The following PEX10 variants were observed in gnomAD, a reference collection of about 807,000 sequenced individuals.
PEX10 encodes peroxisomal biogenesis factor 10, also known as peroxisome biogenesis factor 10.
In PEX10, 32 loss-of-function variants were observed where a neutral mutation model predicts 38.0. That is an observed-to-expected ratio of 0.84 (90% CI 0.63 to 1.13). PEX10 has a LOEUF of 1.13. Ranked by LOEUF, PEX10 falls within the 50% of genes most tolerant of loss-of-function variation. The probability of loss-of-function intolerance (pLI) is 0.00; values close to 1 mark genes in which losing one functional copy is unlikely to be tolerated. For missense variants in PEX10, 483 were observed against 457.7 expected, an observed-to-expected ratio of 1.06 and a Z score of -0.51; for synonymous variants, 206 against 207.3, an observed-to-expected ratio of 0.99 and a Z score of 0.05.
rs1239089179 is a variant in PEX10, at chr1:2,405,523, G to A, written c.*243C>T. On this transcript the variant is annotated 3_prime_UTR_variant, in exon 6 of 6. Coordinates refer to ENST00000447513, the MANE Select transcript of PEX10 (RefSeq NM_002617.4). ...AAATAAGTGAAATTCCTGAAGAAGTGGCTGAGTCCTACCAGGTTGGGGTTA... is the reference window on the plus strand; with the variant it reads ...AAATAAGTGAAATTCCTGAAGAAGTAGCTGAGTCCTACCAGGTTGGGGTTA... The A allele has an allele frequency of 1.6e-6, 1 of 620,810 alleles. No individual in the cohort carries two copies. The highest frequency in any genetic ancestry group is 2.9e-6 in the Non-Finnish European group (1 of 343,054). The allele number at this position is 620,810 out of a possible 1,614,324, so 38.5% of individuals were successfully genotyped here.
chr1:2,406,784 CG>C lies in PEX10; in HGVS notation c.711del (p.Tyr237Ter). The C allele has an allele frequency of 6.2e-7, 1 of 1,610,650 alleles. No homozygotes were observed. Among genetic ancestry groups the C allele is most frequent in the South Asian group, 1.1e-5 (1 of 90,610 alleles). ...HLVLSMGLQLYGFRQRQRARK... is the reference protein window; with the variant it reads ...HLVLSMGLQLXGFRQRQRARK... ...CTGGCTCGCTGCCGCTGCCTGAAAC[CG>C]TACAGCTGCAGCCCCATGGACAGCA... On this transcript the variant is annotated frameshift_variant, in exon 4 of 6. Transcript: ENST00000447513. LOFTEE classifies it high-confidence loss of function.
At position 2,408,769 on chromosome 1, in the gene PEX10, G is replaced by A; in HGVS notation, c.283C>T (p.Leu95=). 1.2e-6 allele frequency: 2 copies of A among 1,613,958 alleles called. No homozygotes were observed. Among genetic ancestry groups the A allele is most frequent in the Non-Finnish European group, 1.7e-6 (2 of 1,179,906 alleles). Residue 95 remains leucine, a synonymous_variant, in exon 3 of 6, where the codon CTG becomes TTG. Coordinates refer to ENST00000447513, the MANE Select transcript of PEX10 (RefSeq NM_002617.4). The part of the protein sequence containing the change: ...HVPSSLRRGV[L]VTLHAVLPYL... ...GGCAGGACGGCATGCAGTGTCACCAGCACGCCACGGCGCAGCGAGGAGGGC... is the reference window on the plus strand; with the variant it reads ...GGCAGGACGGCATGCAGTGTCACCAACACGCCACGGCGCAGCGAGGAGGGC...
chr1:2,411,230 CTTTTT>C (rs140273455), intron 1 of PEX10, among the ~76,000 whole-genome samples: 6 of 114,026 alleles, frequency 5.3e-5, no homozygotes, highest in East Asian at 2.6e-4. Context: ...ATGGCTTTGC[CTTTTT>C]TTTTTTTTTT....
Position 2,405,771 on chromosome 1 carries a change from G to T in PEX10, c.976C>A (p.Arg326Ser), listed in dbSNP as rs566941490. The T allele has an allele frequency of 6.9e-6, 11 of 1,601,842 alleles. No individual in the cohort carries two copies. Among genetic ancestry groups the T allele is most frequent in the Middle Eastern group, 1.6e-4 (1 of 6,066 alleles). Reference protein sequence around the residue: ...PQKLIYLRHYR With the variant: ...PQKLIYLRHYS Reference sequence around the variant, plus strand: ...AGGCCCACCCGGGCGCCGGCTCAGCGGTAGTGCCGAAGGTAGATGAGCTTC... The same window carrying T: ...AGGCCCACCCGGGCGCCGGCTCAGCTGTAGTGCCGAAGGTAGATGAGCTTC... The change falls in exon 6 of 6, where the codon CGC (arginine) becomes AGC (serine). Residue 326 changes from arginine to serine, a missense_variant. Coordinates refer to ENST00000447513, the MANE Select transcript of PEX10 (RefSeq NM_002617.4).
At position 2,406,831 on chromosome 1, in the gene PEX10, A is replaced by T; in HGVS notation, c.665T>A (p.Val222Asp). The T allele has an allele frequency of 3.7e-6, 6 of 1,610,322 alleles. No individual in the cohort carries two copies. The highest frequency in any genetic ancestry group is 5.1e-6 in the Non-Finnish European group (6 of 1,178,810). ...CAGCACCAGGTGCAGCAGTGAGATG[A>T]CCCCCAGCAGCCTGTAGCTAACACG... ...RARVSYRLLG[V>D]ISLLHLVLSM... Residue 222 changes from valine (V) to aspartate (D), a missense_variant, in exon 4 of 6, where the codon GTC becomes GAC. Val to Asp is a radical substitution (Grantham distance 152). Transcript: ENST00000447513.
In PEX10 at chr1:2,406,832, C is replaced by T. The variant is rs745758097; in HGVS notation, c.664G>A (p.Val222Ile). The T allele has an allele frequency of 1.9e-6, 3 of 1,610,584 alleles. No homozygotes were observed. The highest frequency in any genetic ancestry group is 2.2e-5 in the East Asian group (1 of 44,786). ...RARVSYRLLG[V>I]ISLLHLVLSM... is the part of the protein sequence containing the mutation. The stretch of plus-strand genomic sequence containing the variant: ...AGCACCAGGTGCAGCAGTGAGATGA[C>T]CCCCAGCAGCCTGTAGCTAACACGG... Residue 222 changes from valine to isoleucine, a missense_variant, in exon 4 of 6, where the codon GTC (valine) becomes ATC (isoleucine). Coordinates refer to ENST00000447513, the MANE Select transcript of PEX10 (RefSeq NM_002617.4).
rs763092580 is a variant in PEX10, at chr1:2,408,755, A to C, written c.297T>G (p.His99Gln). Residue 99 changes from histidine (H) to glutamine (Q), a missense_variant, in exon 3 of 6, where the codon CAT (histidine) becomes CAG (glutamine). Transcript: ENST00000447513. Reference sequence around the variant, plus strand: ...TGTCCAGCAGGTAGGGCAGGACGGCATGCAGTGTCACCAGCACGCCACGGC... The same window carrying C: ...TGTCCAGCAGGTAGGGCAGGACGGCCTGCAGTGTCACCAGCACGCCACGGC... ...SLRRGVLVTL[H>Q]AVLPYLLDKA... 1.5e-5 allele frequency: 25 copies of C among 1,613,804 alleles called. No individual in the cohort carries two copies. Among genetic ancestry groups the C allele is most frequent in the Non-Finnish European group, 1.9e-5 (23 of 1,179,906 alleles).
chr1:2,410,238 G>T lies in PEX10; in HGVS notation c.193+133C>A. On this transcript the variant is annotated intron_variant, in intron 2 of 5. Coordinates refer to ENST00000447513, the MANE Select transcript of PEX10 (RefSeq NM_002617.4). The surrounding 1 kb of genome is among the most constrained non-coding windows in gnomAD (Gnocchi z 5.1). Reference sequence around the variant, plus strand: ...CGCCTCCCTCGGAGCAGTACCTCCTGCACTTCCCTGAAGCAACCTCACCCG... The same window carrying T: ...CGCCTCCCTCGGAGCAGTACCTCCTTCACTTCCCTGAAGCAACCTCACCCG... The T allele has an allele frequency of 1.3e-6, 1 of 774,254 alleles. No homozygotes were observed. The allele number at this position is 774,254 out of a possible 1,614,324, so 48.0% of individuals were successfully genotyped here. A position where few individuals can be genotyped will look rare whatever the true frequency, so the allele number is the denominator to read the frequency against.
At position 2,408,754 on chromosome 1, in the gene PEX10, C is replaced by A; in HGVS notation, c.298G>T (p.Ala100Ser). 6.2e-7 allele frequency: 1 copy of A among 1,613,976 alleles called. No individual in the cohort carries two copies. Among genetic ancestry groups the A allele is most frequent in the Non-Finnish European group, 8.5e-7 (1 of 1,179,926 alleles). ...LRRGVLVTLHAVLPYLLDKAL... is the reference protein window; with the variant it reads ...LRRGVLVTLHSVLPYLLDKAL... ...TTGTCCAGCAGGTAGGGCAGGACGG[C>A]ATGCAGTGTCACCAGCACGCCACGG... Residue 100 changes from alanine (A) to serine (S), a missense_variant, in exon 3 of 6, where the codon GCC becomes TCC. Ala to Ser is a moderately conservative substitution (Grantham distance 99, BLOSUM62 1). Transcript: ENST00000447513.
At position 2,406,545 on chromosome 1, in the gene PEX10, G is replaced by A. The variant is rs1414063797; in HGVS notation, c.851C>T (p.Thr284Ile). The A allele has an allele frequency of 2.5e-6, 4 of 1,613,334 alleles. No homozygotes were observed. Among genetic ancestry groups the A allele is most frequent in the African/African-American group, 1.3e-5 (1 of 75,066 alleles). Residue 284 changes from threonine (T) to isoleucine (I), a missense_variant, in exon 5 of 6, where the codon ACA (threonine) becomes ATA (isoleucine). Thr to Ile is a moderately conservative substitution (Grantham distance 89). Transcript: ENST00000447513. Reference sequence around the variant, plus strand: ...GAACAGGTGGCCGCAGGGCGTGGCTGTTGGGTGCCTGCGCTCCTCCAGGCA... The same window carrying A: ...GAACAGGTGGCCGCAGGGCGTGGCTATTGGGTGCCTGCGCTCCTCCAGGCA... Reference protein sequence around the residue: ...TLCLEERRHPTATPCGHLFCW... With the variant: ...TLCLEERRHPIATPCGHLFCW...
chr1:2,411,837 T>C (rs982883267), intron 1 of PEX10, among the ~76,000 whole-genome samples: 1 of 152,232 alleles, frequency 6.6e-6, no homozygotes, highest in African/African-American at 2.4e-5. Context: ...TTGAGTACAC[T>C]GGCTTCTGTA....
At position 2,408,461 on chromosome 1, in the gene PEX10, C is replaced by G; in HGVS notation, c.591G>C (p.Gly197=). 1.2e-6 allele frequency: 2 copies of G among 1,612,982 alleles called. No homozygotes were observed. Among genetic ancestry groups the G allele is most frequent in the Non-Finnish European group, 1.7e-6 (2 of 1,179,992 alleles). ...VFYHLAKRLT[G]ITYLRVRSLP... ...AGCGCCTGCTACTTACGTACGTGAT[C>G]CCCGTGAGCCTCTTGGCCAGGTGGT... The change falls in exon 3 of 6, where the codon GGG becomes GGC. Residue 197 remains glycine (G), a synonymous_variant. Coordinates refer to ENST00000447513, the MANE Select transcript of PEX10 (RefSeq NM_002617.4).
intron 3 of PEX10, 191 bp from the exon 4 acceptor site, chr1:2,407,086 C>T (rs1375808718): frequency 1.5e-5 from 11 of 752,242 alleles, no homozygotes; most frequent in East Asian, 2.7e-5. Flanking sequence ...TGCTTCGTAG[C>T]CTAGCATGAC....
chr1:2,412,763 C>T (rs1164793599), upstream of PEX10, among the ~76,000 whole-genome samples: 3 of 151,738 alleles, frequency 2.0e-5, no homozygotes, highest in African/African-American at 7.2e-5. Context: ...GCGGGGCCCG[C>T]GAGCCGAGGT....
Position 2,405,520 on chromosome 1 carries a change from A to C in PEX10, c.*246T>G. On this transcript the variant is annotated 3_prime_UTR_variant, in exon 6 of 6. Transcript: ENST00000447513. ...TCCAAATAAGTGAAATTCCTGAAGAAGTGGCTGAGTCCTACCAGGTTGGGG... is the reference window on the plus strand; with the variant it reads ...TCCAAATAAGTGAAATTCCTGAAGACGTGGCTGAGTCCTACCAGGTTGGGG... 1.6e-6 allele frequency: 1 copy of C among 612,742 alleles called. No homozygotes were observed. Among genetic ancestry groups the C allele is most frequent in the Non-Finnish European group, 2.9e-6 (1 of 339,440 alleles). 38.0% of individuals were successfully genotyped at this position (612,742 alleles called of 1,614,324 possible). A position where few individuals can be genotyped will look rare whatever the true frequency, so the allele number is the denominator to read the frequency against.
intron 5 of PEX10, 76 bp from the exon 6 acceptor site, chr1:2,405,910 T>C: frequency 8.8e-7 from 1 of 1,136,066 alleles, no homozygotes; most frequent in Non-Finnish European, 1.3e-6. Flanking sequence ...TTTCTTTTCC[T>C]GTCCACATTC....
chr1:2,411,967 C>G (rs1240132227), intron 1 of PEX10, among the ~76,000 whole-genome samples: 1 of 152,236 alleles, frequency 6.6e-6, no homozygotes, highest in Non-Finnish European at 1.5e-5. Flanking sequence ...GTGAACCGGA[C>G]CGAGGTATGA....
At chr1:2,411,846 T>TC (rs1296795629) in intron 1 of PEX10, among the ~76,000 whole-genome samples, 2 of 152,226 alleles carry the variant, frequency 1.3e-5, no homozygotes, top group Non-Finnish European at 2.9e-5. Flanking sequence ...CTGGCTTCTG[T>TC]ACTCAGCTCC....
At chr1:2,412,323 C>T in intron 1 of PEX10, 68 bp downstream of exon 1, 17 of 1,293,484 alleles carry the variant, frequency 1.3e-5, no homozygotes, top group Non-Finnish European at 1.7e-5. Context: ...CGGCAGACAC[C>T]CCGCCTCCAT....
Sources: gnomAD v4.1 joint callset for allele counts (sites outside exome capture counted in the v4.1 genomes callset) on GRCh38, gnomAD v4.1.1 for gene constraint, Gnocchi (gnomAD v3.1) non-coding constraint, MANE v1.5 for transcripts, NCBI Gene and HGNC (gene_info 2026-07-23, HGNC 2026-07-21) for gene names.